The following MICAL2 variants were observed in gnomAD, a reference collection of about 807,000 sequenced individuals.
MICAL2 encodes [F-actin]-monooxygenase MICAL2.
MICAL2 carries 77 observed loss-of-function variants against 127.3 expected under a neutral mutation model. That is an observed-to-expected ratio of 0.60 (90% CI 0.50 to 0.73). The LOEUF (loss-of-function observed/expected upper bound fraction) is 0.73, where lower values mean the gene tolerates loss of function less well. Among genes scored for constraint, MICAL2 ranks in the 30% least tolerant of loss-of-function variants. The pLI is 0.00. For synonymous variants in MICAL2, 570 were observed against 551.1 expected, an observed-to-expected ratio of 1.03 and a Z score of -0.48; for missense variants, 1,351 against 1,434.4, an observed-to-expected ratio of 0.94 and a Z score of 0.94.
At chr11:12,338,633 C>G (rs1565309598) in intron 32 of MICAL2, among the ~76,000 whole-genome samples, 1 of 152,148 alleles carries the variant, frequency 6.6e-6, no homozygotes, top group Admixed American at 6.5e-5. Flanking sequence ...TTCAGGAGCT[C>G]TTTTAGGGCA....
At chr11:12,190,017 G>A (rs1858882184) in intron 3 of MICAL2, among the ~76,000 whole-genome samples, 1 of 152,230 alleles carries the variant, frequency 6.6e-6, no homozygotes, top group African/African-American at 2.4e-5. Flanking sequence ...TCTGTTCACA[G>A]TTTCAAAAAC....
downstream of MICAL2, among the ~76,000 whole-genome samples, chr11:12,267,221 A>G (rs1425910389): frequency 2.0e-5 from 3 of 152,182 alleles, no homozygotes; most frequent in Non-Finnish European, 4.4e-5. Context: ...AGGAGGGGGC[A>G]TAGGCTCTCA....
chr11:12,168,192 T>A (rs1056057918), intron 3 of MICAL2, among the ~76,000 whole-genome samples: 1 of 140,134 alleles, frequency 7.1e-6, no homozygotes, highest in Non-Finnish European at 1.6e-5. Flanking sequence ...ACACCATACA[T>A]ACACATACAG....
At chr11:12,335,072 G>A (rs1938724201) in intron 32 of MICAL2, among the ~76,000 whole-genome samples, 1 of 151,442 alleles carries the variant, frequency 6.6e-6, no homozygotes, top group Non-Finnish European at 1.5e-5. Context: ...CCCACCAACA[G>A]TGTAAAAGTG....
chr11:12,236,699 C>T (rs1859118198), intron 16 of MICAL2, among the ~76,000 whole-genome samples: 1 of 152,210 alleles, frequency 6.6e-6, no homozygotes, highest in Admixed American at 6.5e-5. Flanking sequence ...TCCACAAGTG[C>T]CACCTTCTGG....
chr11:12,316,735 T>C (rs1419222608), intron 29 of MICAL2, among the ~76,000 whole-genome samples: 2 of 152,224 alleles, frequency 1.3e-5, no homozygotes, highest in Non-Finnish European at 2.9e-5. Context: ...TGTTACATTG[T>C]AGCATGTCTA....
At chr11:12,123,338 T>C (rs748558353) in intron 1 of MICAL2, among the ~76,000 whole-genome samples, 26 of 152,216 alleles carry the variant, frequency 1.7e-4, no homozygotes, top group Non-Finnish European at 3.5e-4. Flanking sequence ...TGTCCATGGT[T>C]TTCTGACTCA....
intron 9 of MICAL2, 35 bp from the exon 10 acceptor site, chr11:12,221,609 G>T: frequency 6.8e-7 from 1 of 1,464,590 alleles, no homozygotes; most frequent in Non-Finnish European, 9.5e-7. Context: ...GGAGTCATCA[G>T]AATCAACTGG....
intron 29 of MICAL2, among the ~76,000 whole-genome samples, chr11:12,317,291 A>G (rs898934165): frequency 6.6e-6 from 1 of 152,212 alleles, no homozygotes; most frequent in African/African-American, 2.4e-5. Flanking sequence ...GCAGAAAGTT[A>G]CTGTGATTGT....
intron 21 of MICAL2, among the ~76,000 whole-genome samples, chr11:12,248,179 T>C (rs1203556356): frequency 6.6e-6 from 1 of 152,174 alleles, no homozygotes; most frequent in Non-Finnish European, 1.5e-5. Context: ...CCCTCTCAGA[T>C]TGATATTCCA....
rs1443312993 is a variant in MICAL2, at chr11:12,204,306, C to T, written c.321C>T (p.Tyr107=). The T allele has an allele frequency of 6.2e-7, 1 of 1,614,166 alleles. No individual in the cohort carries two copies. Among genetic ancestry groups the T allele is most frequent in the Non-Finnish European group, 8.5e-7 (1 of 1,180,030 alleles). ...CGLRTAIELA[Y]LGAKVVVVEK... The stretch of plus-strand genomic sequence containing the variant: ...TGCGCACTGCCATTGAACTTGCCTA[C>T]CTGGGAGCCAAAGTGGTCGTGGTGG... Residue 107 remains tyrosine (Y), a synonymous_variant, in exon 4 of 28, where the codon TAC becomes TAT. Transcript: ENST00000683283.
At chr11:12,217,978 G>T (rs1856392606) in intron 8 of MICAL2, among the ~76,000 whole-genome samples, 2 of 152,172 alleles carry the variant, frequency 1.3e-5, no homozygotes, top group African/African-American at 4.8e-5. Context: ...TTGTTCTCTT[G>T]CTCCCTGGAG....
Position 12,227,096 on chromosome 11 carries a change from C to T in MICAL2, c.1960C>T (p.Leu654Phe). The change falls in exon 15 of 28, where the codon CTC becomes TTC. Residue 654 changes from leucine (L) to phenylalanine (F), a missense_variant. Leu to Phe is a conservative substitution (Grantham distance 22). Coordinates refer to ENST00000683283, the MANE Select transcript of MICAL2 (RefSeq NM_001282663.2). ...CAAATCATCCATTTCTAATAACTAT[C>T]TCAACCTCACATTTCCAAGGAAGAG... ...LAKSSISNNY[L>F]NLTFPRKRTP... 3 of 1,614,070 alleles carry T rather than the reference C, an allele frequency of 1.9e-6. No homozygotes were observed. Among genetic ancestry groups the T allele is most frequent in the Non-Finnish European group, 2.5e-6 (3 of 1,179,950 alleles).
chr11:12,244,313 G>T (rs143472140), intron 21 of MICAL2, among the ~76,000 whole-genome samples: 1 of 152,184 alleles, frequency 6.6e-6, no homozygotes, highest in Non-Finnish European at 1.5e-5. Flanking sequence ...ACAAAAGCTT[G>T]CCAAACAGGG....
chr11:12,282,024 C>T (rs1408391553), intron 2 of MICAL2, among the ~76,000 whole-genome samples: 6 of 152,150 alleles, frequency 3.9e-5, no homozygotes, highest in Admixed American at 6.5e-5. Flanking sequence ...TGTCCTGCAT[C>T]GCCACCTGGT....
upstream of MICAL2, among the ~76,000 whole-genome samples, chr11:12,275,780 G>T (rs10831775): frequency 2.0e-5 from 3 of 152,120 alleles, no homozygotes; most frequent in African/African-American, 7.2e-5. Flanking sequence ...GTGCATTCAC[G>T]CCCTACATGT....
chr11:12,272,657 G>A (rs550119510), upstream of MICAL2, among the ~76,000 whole-genome samples: 1 of 152,294 alleles, frequency 6.6e-6, no homozygotes, highest in South Asian at 2.1e-4. Flanking sequence ...TCTTGCTCAG[G>A]AGTCTGTGGG....
At chr11:12,222,483 G>A in intron 10 of MICAL2, 134 bp from the exon 11 acceptor site, 1 of 1,197,026 alleles carries the variant, frequency 8.4e-7, no homozygotes, top group Non-Finnish European at 1.2e-6. Flanking sequence ...GGAGAGTCAG[G>A]TATTTCAGGG....
chr11:12,154,044 A>G (rs1435698971), intron 2 of MICAL2, among the ~76,000 whole-genome samples: 2 of 152,314 alleles, frequency 1.3e-5, no homozygotes, highest in East Asian at 1.9e-4. Flanking sequence ...GTTGGAGGCA[A>G]TGCCTTTCCC....
Sources: allele counts gnomAD v4.1 joint callset (sites outside exome capture counted in the v4.1 genomes callset), GRCh38; gene constraint gnomAD v4.1.1; transcripts MANE v1.5; gene names NCBI Gene and HGNC (gene_info 2026-07-23, HGNC 2026-07-21).